The following CIT variants were observed in gnomAD, a reference collection of about 807,000 sequenced individuals.
The protein encoded by CIT is citron rho-interacting serine/threonine kinase.
In CIT, 79 loss-of-function variants were observed where a neutral mutation model predicts 272.7. The ratio of observed to expected loss-of-function variants is 0.29; its 90% CI spans 0.24 to 0.35. CIT has a LOEUF of 0.35. Among genes scored for constraint, CIT ranks in the 10% least tolerant of loss-of-function variants. The pLI is 1.00. For missense variants in CIT, 1,909 were observed against 2,618.3 expected, an observed-to-expected ratio of 0.73 and a Z score of 5.91; for synonymous variants, 948 against 995.6, an observed-to-expected ratio of 0.95 and a Z score of 0.90.
At chr12:119,831,945 G>T (rs1350739338) in intron 7 of CIT, among the ~76,000 whole-genome samples, 1 of 152,072 alleles carries the variant, frequency 6.6e-6, no homozygotes, top group African/African-American at 2.4e-5. Context: ...AGACTTGGGG[G>T]GCATTTTGAA....
At chr12:119,709,141 G>C (rs1957025198) in intron 39 of CIT, among the ~76,000 whole-genome samples, 1 of 152,036 alleles carries the variant, frequency 6.6e-6, no homozygotes, top group Non-Finnish European at 1.5e-5. Context: ...TTATAGTAAG[G>C]GTAAATTTCC....
chr12:119,781,669 G>GAAA (rs34594062), intron 13 of CIT, among the ~76,000 whole-genome samples: 23 of 151,664 alleles, frequency 1.5e-4, no homozygotes, highest in Admixed American at 9.2e-4. Context: ...CGTTTAGAAA[G>GAAA]AAAAAAAAGA....
intron 2 of CIT, among the ~76,000 whole-genome samples, chr12:119,875,314 A>C (rs1220307756): frequency 3.9e-5 from 6 of 152,198 alleles, no homozygotes; most frequent in African/African-American, 1.2e-4. Flanking sequence ...CAAGCAACCA[A>C]TCAATCAATG....
chr12:119,767,050 A>C, intron 19 of CIT, 37 bp downstream of exon 19: 2 of 1,525,356 alleles, frequency 1.3e-6, no homozygotes, highest in Non-Finnish European at 1.8e-6. Flanking sequence ...ATGGTACTAT[A>C]GGAGCAAGGC....
At chr12:119,760,238 G>A (rs1444504191) in intron 20 of CIT, among the ~76,000 whole-genome samples, 1 of 151,334 alleles carries the variant, frequency 6.6e-6, no homozygotes, top group African/African-American at 2.4e-5. Context: ...TCTTGGTGGA[G>A]TGCAGATAAA....
At chr12:119,802,739 T>A (rs1440628741) in intron 10 of CIT, among the ~76,000 whole-genome samples, 1 of 152,148 alleles carries the variant, frequency 6.6e-6, no homozygotes, top group Non-Finnish European at 1.5e-5. Flanking sequence ...GTTAAACCCA[T>A]CAGGAAACCT....
At chr12:119,832,887 A>G in intron 6 of CIT, 23 bp from the exon 7 acceptor site, 1 of 1,563,824 alleles carries the variant, frequency 6.4e-7, no homozygotes, top group Non-Finnish European at 8.8e-7. Flanking sequence ...CAGGACCATG[A>G]ATTGCCTCCT....
rs1387997463 is a variant in CIT, at chr12:119,720,332, C to A, written c.3840+146G>T. ...AGACCTATTATAATTATCTCAAAATCTATTTTTCAACCCAAAATAAAACAA... is the reference window on the plus strand; with the variant it reads ...AGACCTATTATAATTATCTCAAAATATATTTTTCAACCCAAAATAAAACAA... On this transcript the variant is annotated intron_variant, in intron 30 of 47. Coordinates refer to ENST00000392521, the MANE Select transcript of CIT (RefSeq NM_001206999.2). 11 of 615,976 alleles carry A rather than the reference C, an allele frequency of 1.8e-5. No individual in the cohort carries two copies. The African/African-American group carries it at 2.0e-4, about 11-fold the overall frequency. 38.2% of individuals were successfully genotyped at this position (615,976 alleles called of 1,614,324 possible).
rs766226739 is a variant in CIT, at chr12:119,825,141, C to A, written c.957+24G>T. 3.1e-6 allele frequency: 5 copies of A among 1,595,768 alleles called. No individual in the cohort carries two copies. The Admixed American group carries it at 8.5e-5, about 27-fold the overall frequency. The stretch of plus-strand genomic sequence containing the variant: ...TAAATAACGTTTCTCAATGTGACTT[C>A]GAAATCTTCTAAGGACTCTTTACCT... On this transcript the variant is annotated intron_variant, in intron 8 of 47. Transcript: ENST00000392521.
rs1309633633 is a variant in CIT at position 119,718,372 on chromosome 12, G to A, written c.4041C>T (p.Ser1347=). 1 of 1,613,758 alleles carries A rather than the reference G, an allele frequency of 6.2e-7. No homozygotes were observed. The highest frequency in any genetic ancestry group is 1.3e-5 in the African/African-American group (1 of 74,940). ...TCTGCTGCCTCGCGGTGGCTGGCGTGGATGGGTGTGGGTGGTCCGTTGCTT... is the reference window on the plus strand; with the variant it reads ...TCTGCTGCCTCGCGGTGGCTGGCGTAGATGGGTGTGGGTGGTCCGTTGCTT... ...HRKATDHPHP[S]TPATARQQIA... The change falls in exon 32 of 48, where the codon TCC becomes TCT. Residue 1347 remains serine (S), a synonymous_variant. Coordinates refer to ENST00000392521, the MANE Select transcript of CIT (RefSeq NM_001206999.2). This position sits in a 1 kb window ranked among gnomAD's most constrained non-coding sequence, Gnocchi z 4.8.
intron 26 of CIT, among the ~76,000 whole-genome samples, chr12:119,733,839 T>C (rs949844769): frequency 6.6e-6 from 1 of 152,098 alleles, no homozygotes; most frequent in Non-Finnish European, 1.5e-5. Context: ...TGCTATGGCC[T>C]TGCTATGGTC....
intron 46 of CIT, among the ~76,000 whole-genome samples, chr12:119,695,904 G>A (rs1956200527): frequency 6.6e-6 from 1 of 152,216 alleles, no homozygotes. Flanking sequence ...GTAAATAGCT[G>A]TTATACTATA....
At chr12:119,864,839 C>T (rs1415199174) in intron 3 of CIT, among the ~76,000 whole-genome samples, 1 of 152,022 alleles carries the variant, frequency 6.6e-6, no homozygotes, top group East Asian at 1.9e-4. Context: ...CCCTGGTTCC[C>T]AGATGCTCGT....
At chr12:119,858,760 T>C (rs1950244102) in intron 3 of CIT, among the ~76,000 whole-genome samples, 1 of 149,304 alleles carries the variant, frequency 6.7e-6, no homozygotes, top group African/African-American at 2.5e-5. Context: ...AGACAGAGCT[T>C]GCAGTGAGCC....
At chr12:119,790,015 GTTTTCT>G (rs1965176840) in intron 10 of CIT, among the ~76,000 whole-genome samples, 1 of 151,688 alleles carries the variant, frequency 6.6e-6, no homozygotes, top group African/African-American at 2.4e-5. Flanking sequence ...CACCCGGCCT[GTTTTCT>G]TTTTCTAAGA....
chr12:119,772,488 A>T (rs1249776668), intron 17 of CIT, among the ~76,000 whole-genome samples: 1 of 152,222 alleles, frequency 6.6e-6, no homozygotes, highest in Non-Finnish European at 1.5e-5. Context: ...GCTTCGGTTT[A>T]CCTATAAAAA....
At chr12:119,696,553 G>T (rs767274462) in intron 46 of CIT, among the ~76,000 whole-genome samples, 2 of 151,194 alleles carry the variant, frequency 1.3e-5, no homozygotes, top group East Asian at 3.9e-4. Flanking sequence ...TTGAGATAGG[G>T]TCTCACTCTG....
intron 27 of CIT, among the ~76,000 whole-genome samples, chr12:119,729,446 TATA>T (rs112290825): frequency 0.065 from 9,906 of 152,276 alleles, 541 homozygotes; most frequent in African/African-American, 0.15. Flanking sequence ...CCAATACAAG[TATA>T]ATGATTCAAG....
chr12:119,755,860 A>G (rs1960908535), intron 22 of CIT, among the ~76,000 whole-genome samples: 1 of 152,170 alleles, frequency 6.6e-6, no homozygotes, highest in South Asian at 2.1e-4. Context: ...CCTTTCATCA[A>G]TCACACCTAA....
Sources: allele counts gnomAD v4.1 joint callset (sites outside exome capture counted in the v4.1 genomes callset), GRCh38; gene constraint gnomAD v4.1.1; non-coding constraint Gnocchi (gnomAD v3.1); transcripts MANE v1.5; gene names NCBI Gene and HGNC (gene_info 2026-07-23, HGNC 2026-07-21).